Variants in PRSS12 observed in about 807,000 individuals in gnomAD.
PRSS12 encodes serine protease 12.
PRSS12 carries 85 observed loss-of-function variants against 104.4 expected under a neutral mutation model. The ratio of observed to expected loss-of-function variants is 0.81; its 90% CI spans 0.68 to 0.98. PRSS12 has a LOEUF of 0.98. Among genes scored for constraint, PRSS12 ranks in the 50% least tolerant of loss-of-function variants. The pLI, the probability that PRSS12 is intolerant of heterozygous loss-of-function variation, is 0.00. For missense variants in PRSS12, 1,141 were observed against 1,139.2 expected (o/e 1.00, Z -0.02); for synonymous variants, 454 against 425.2 (o/e 1.07, Z -0.83).
chr4:118,284,791 T>C (rs1035382625), intron 11 of PRSS12, among the ~76,000 whole-genome samples: 18 of 152,212 alleles, frequency 1.2e-4, no homozygotes, highest in Admixed American at 1.1e-3. Flanking sequence ...CCTGGTTTCA[T>C]CAGCTCTACC....
chr4:118,335,065 G>C (rs1724025961), intron 3 of PRSS12, among the ~76,000 whole-genome samples: 2 of 152,002 alleles, frequency 1.3e-5, no homozygotes, highest in Non-Finnish European at 2.9e-5. Flanking sequence ...TAATTATATT[G>C]CATTACACAA....
chr4:118,300,867 T>C (rs1281465296), intron 8 of PRSS12, among the ~76,000 whole-genome samples: 3 of 152,116 alleles, frequency 2.0e-5, no homozygotes, highest in Non-Finnish European at 2.9e-5. Flanking sequence ...CTTCTGCGGA[T>C]AGTTCTCCAT....
Position 118,331,849 on chromosome 4 carries a change from T to C in PRSS12, c.838A>G (p.Ile280Val). The C allele has an allele frequency of 6.2e-7, 1 of 1,614,098 alleles. No homozygotes were observed. The highest frequency in any genetic ancestry group is 1.1e-5 in the South Asian group (1 of 91,076). The change falls in exon 4 of 13, where the codon ATT (isoleucine) becomes GTT (valine). Residue 280 changes from isoleucine (I) to valine (V), a missense_variant. By Grantham distance (29) the Ile-to-Val change is conservative (BLOSUM62 3). Coordinates refer to ENST00000296498, the MANE Select transcript of PRSS12 (RefSeq NM_003619.4). ...ACACTGCTGCCTCCAGCAAGGCGAA[T>C]GATGGGGAACGTTGGGCCTGTGCAA... ...SFSHGPTFPI[I>V]RLAGGSSVHE...
intron 1 of PRSS12, among the ~76,000 whole-genome samples, chr4:118,344,817 C>T (rs576866623): frequency 5.3e-4 from 81 of 152,258 alleles, no homozygotes; most frequent in Non-Finnish European, 9.7e-4. Context: ...AAAGATGACT[C>T]TGTCCATGGT....
At chr4:118,282,472 A>G (rs1361739370) in intron 12 of PRSS12, among the ~76,000 whole-genome samples, 1 of 152,242 alleles carries the variant, frequency 6.6e-6, no homozygotes, top group Non-Finnish European at 1.5e-5. Flanking sequence ...GGAATAATGA[A>G]TAACATTTAT....
intron 11 of PRSS12, among the ~76,000 whole-genome samples, chr4:118,286,686 C>T (rs993338267): frequency 2.0e-5 from 3 of 152,180 alleles, no homozygotes; most frequent in African/African-American, 4.8e-5. Flanking sequence ...CACATACATA[C>T]ACTCTCATCC....
At chr4:118,344,219 A>G (rs1015987218) in intron 1 of PRSS12, among the ~76,000 whole-genome samples, 7 of 152,188 alleles carry the variant, frequency 4.6e-5, no homozygotes, top group African/African-American at 1.7e-4. Flanking sequence ...ATTAAGTTAA[A>G]TATAATACTA....
intron 8 of PRSS12, chr4:118,303,744 A>C (rs1743460706): frequency 6.6e-6 from 1 of 152,054 alleles, no homozygotes; most frequent in Non-Finnish European, 1.5e-5. Flanking sequence ...CACATATATT[A>C]TTTCTTAAAA....
At chr4:118,291,643 G>A (rs957796062) in intron 11 of PRSS12, among the ~76,000 whole-genome samples, 1 of 152,004 alleles carries the variant, frequency 6.6e-6, no homozygotes, top group Non-Finnish European at 1.5e-5. Flanking sequence ...GTGGCACACA[G>A]AACTGAGCAC....
chr4:118,348,161 A>C (rs960821114), intron 1 of PRSS12, among the ~76,000 whole-genome samples: 1 of 152,220 alleles, frequency 6.6e-6, no homozygotes, highest in Non-Finnish European at 1.5e-5. Context: ...CCTGAGAGGC[A>C]GAGGTTGCAG....
At chr4:118,312,573 G>A (rs1279773909) in intron 7 of PRSS12, among the ~76,000 whole-genome samples, 1 of 152,086 alleles carries the variant, frequency 6.6e-6, no homozygotes, top group Non-Finnish European at 1.5e-5. Context: ...TTTCAATACA[G>A]TTAGAGGAGC....
intron 7 of PRSS12, among the ~76,000 whole-genome samples, chr4:118,309,873 CTAT>C (rs1246510966): frequency 6.6e-6 from 1 of 152,192 alleles, no homozygotes. Context: ...TGGACACACT[CTAT>C]TTTTATTCTT....
intron 3 of PRSS12, among the ~76,000 whole-genome samples, chr4:118,334,288 G>A (rs1335051511): frequency 2.6e-5 from 4 of 151,884 alleles, no homozygotes; most frequent in African/African-American, 7.3e-5. Flanking sequence ...GAAGGTGGAA[G>A]GAGTAAAAAA....
At chr4:118,336,906 C>A (rs568288355) in intron 2 of PRSS12, among the ~76,000 whole-genome samples, 1 of 152,294 alleles carries the variant, frequency 6.6e-6, no homozygotes, top group South Asian at 2.1e-4. Context: ...TGTCTGTTTG[C>A]CAGACTAAGT....
chr4:118,317,155 A>G (rs1723464344), intron 5 of PRSS12, among the ~76,000 whole-genome samples: 1 of 152,084 alleles, frequency 6.6e-6, no homozygotes, highest in African/African-American at 2.4e-5. Flanking sequence ...TTAGGCATTC[A>G]TGAATTATAA....
chr4:118,335,915 G>A (rs185903513), intron 2 of PRSS12, among the ~76,000 whole-genome samples: 1 of 152,230 alleles, frequency 6.6e-6, no homozygotes, highest in Non-Finnish European at 1.5e-5. Context: ...GACTGATTTA[G>A]AAGAAAATGG....
chr4:118,343,796 T>C (rs1424737518), intron 1 of PRSS12, among the ~76,000 whole-genome samples: 1 of 152,172 alleles, frequency 6.6e-6, no homozygotes, highest in Non-Finnish European at 1.5e-5. Context: ...AACCCCTCAT[T>C]AAAATGTACT....
At chr4:118,288,491 C>A (rs1743059553) in intron 11 of PRSS12, among the ~76,000 whole-genome samples, 1 of 152,182 alleles carries the variant, frequency 6.6e-6, no homozygotes, top group African/African-American at 2.4e-5. Flanking sequence ...CTAGTCATTT[C>A]TAACAATTTC....
At position 118,295,827 on chromosome 4, in the gene PRSS12, A is replaced by C; in HGVS notation, c.1867T>G (p.Leu623Val). The C allele has an allele frequency of 3.1e-6, 5 of 1,614,116 alleles. No homozygotes were observed. Among genetic ancestry groups the C allele is most frequent in the Non-Finnish European group, 4.2e-6 (5 of 1,179,966 alleles). The change falls in exon 10 of 13, where the codon TTA (leucine) becomes GTA (valine). Residue 623 changes from leucine to valine, a missense_variant. Coordinates refer to ENST00000296498, the MANE Select transcript of PRSS12 (RefSeq NM_003619.4). The part of the protein sequence containing the change: ...ESLSSVCGLR[L>V]LHRRQKRIIG... ...ATCCGCTTCTGCCGACGGTGCAGTA[A>C]TCTCAAGCCACAAACAGATGAGAGG...
Sources: gnomAD v4.1 joint callset for allele counts (sites outside exome capture counted in the v4.1 genomes callset) on GRCh38, gnomAD v4.1.1 for gene constraint, MANE v1.5 for transcripts, NCBI Gene and HGNC (gene_info 2026-07-23, HGNC 2026-07-21) for gene names.